ZFHX3: variants seen among roughly 807,000 people sequenced by gnomAD.
ZFHX3 encodes zinc finger homeobox 3, also known as zinc finger homeobox protein 3.
ZFHX3 carries 42 observed loss-of-function variants against 279.1 expected under a neutral mutation model. The observed-to-expected ratio is 0.15, with a 90% CI of 0.12 to 0.19. The LOEUF (loss-of-function observed/expected upper bound fraction) is 0.19, where lower values mean the gene tolerates loss of function less well. Among genes scored for constraint, ZFHX3 ranks in the 10% least tolerant of loss-of-function variants. The probability of loss-of-function intolerance (pLI) is 1.00; values close to 1 mark genes in which losing one functional copy is unlikely to be tolerated. For missense variants in ZFHX3, 4,981 were observed against 4,754.0 expected, an observed-to-expected ratio of 1.05 and a Z score of -1.40; for synonymous variants, 2,293 against 1,957.8, an observed-to-expected ratio of 1.17 and a Z score of -4.52.
intron 1 of ZFHX3, among the ~76,000 whole-genome samples, chr16:73,881,297 G>C (rs2030141244): frequency 6.6e-6 from 1 of 152,152 alleles, no homozygotes; most frequent in Admixed American, 6.5e-5. Flanking sequence ...AATTCGGTCT[G>C]TCACGACATG....
At chr16:73,307,230 G>A (rs2015203395) in intron 4 of ZFHX3, among the ~76,000 whole-genome samples, 1 of 152,200 alleles carries the variant, frequency 6.6e-6, no homozygotes, top group East Asian at 1.9e-4. Flanking sequence ...TCACTCATTT[G>A]TAAACTGGGC....
At chr16:73,360,791 T>A (rs868525711) in intron 3 of ZFHX3, among the ~76,000 whole-genome samples, 5 of 152,298 alleles carry the variant, frequency 3.3e-5, no homozygotes, top group African/African-American at 1.2e-4. Context: ...ATAGGAGACC[T>A]AGAAGTTCAT....
At chr16:73,494,963 T>C (rs1290990496) in intron 2 of ZFHX3, among the ~76,000 whole-genome samples, 2 of 152,140 alleles carry the variant, frequency 1.3e-5, no homozygotes, top group Admixed American at 1.3e-4. Context: ...AAATGAGTGG[T>C]GTTGAGTTCC....
intron 1 of ZFHX3, among the ~76,000 whole-genome samples, chr16:73,029,510 C>G (rs1964620627): frequency 6.6e-6 from 1 of 152,188 alleles, no homozygotes; most frequent in Non-Finnish European, 1.5e-5. Flanking sequence ...CAGGTAGAAA[C>G]ACACAAGAAG....
At chr16:72,798,971 G>A (rs1386408387) in intron 8 of ZFHX3, among the ~76,000 whole-genome samples, 1 of 152,202 alleles carries the variant, frequency 6.6e-6, no homozygotes, top group East Asian at 1.9e-4. Flanking sequence ...ATGCATAATA[G>A]ACCCATGTCA....
chr16:72,840,340 G>A (rs1031593325), intron 4 of ZFHX3, among the ~76,000 whole-genome samples: 31 of 152,140 alleles, frequency 2.0e-4, no homozygotes, highest in African/African-American at 6.8e-4. Flanking sequence ...GATGGCTCTC[G>A]TAACAGGAGC....
rs116604973 is a variant in ZFHX3 at position 73,762,537 on chromosome 16, T to C, written c.-1607-82297A>G. 5.3e-3 allele frequency among the ~76,000 whole-genome samples: 804 copies of C among 152,304 alleles called. 9 individuals carry two copies. Among genetic ancestry groups the C allele is most frequent in the African/African-American group, 0.019 (777 of 41,558 alleles). On this transcript the variant is annotated intron_variant, in intron 1 of 17. Transcript: ENST00000641206. ...AAAGATACATGCACAAGTATGCTCA[T>C]TGCGCACTACTCACAATAGCAAAGA...
intron 3 of ZFHX3, among the ~76,000 whole-genome samples, chr16:72,915,657 G>A (rs975196651): frequency 5.9e-5 from 9 of 152,184 alleles, no homozygotes; most frequent in Middle Eastern, 3.4e-3. Context: ...CAGCTACTCC[G>A]GAGGCTGAGG....
Position 72,957,560 on chromosome 16 carries a change from G to A in ZFHX3, c.2586C>T (p.Tyr862=). The A allele has an allele frequency of 6.2e-7, 1 of 1,614,206 alleles. No individual in the cohort carries two copies. The highest frequency in any genetic ancestry group is 1.3e-5 in the African/African-American group (1 of 75,054). The change falls in exon 2 of 10, where the codon TAC becomes TAT. Residue 862 remains tyrosine (Y), a synonymous_variant. Coordinates refer to ENST00000268489, the MANE Select transcript of ZFHX3 (RefSeq NM_006885.4). The part of the protein sequence containing the change: ...SLPSPAEAEL[Y]QYYLAQNMNL... Reference sequence around the variant, plus strand: ...TCATGTTCTGGGCCAGGTAGTATTGGTAGAGCTCGGCCTCGGCGGGTGAGG... The same window carrying A: ...TCATGTTCTGGGCCAGGTAGTATTGATAGAGCTCGGCCTCGGCGGGTGAGG...
At chr16:73,247,694 G>A (rs1438224056) in intron 5 of ZFHX3, among the ~76,000 whole-genome samples, 3 of 151,624 alleles carry the variant, frequency 2.0e-5, no homozygotes, top group Admixed American at 6.6e-5. Context: ...GAGTATACGT[G>A]TGTGTGTATA....
intron 2 of ZFHX3, chr16:73,486,726 T>C (rs2018979484): frequency 2.2e-6 from 1 of 449,580 alleles, no homozygotes; most frequent in Non-Finnish European, 4.5e-6. Flanking sequence ...ATCTAGGGTC[T>C]CTCTTGCTCA....
intron 3 of ZFHX3, among the ~76,000 whole-genome samples, chr16:73,415,664 C>T (rs2017556527): frequency 6.6e-6 from 1 of 152,198 alleles, no homozygotes; most frequent in Admixed American, 6.5e-5. Flanking sequence ...CATTTCCTCC[C>T]CTTACTGAAT....
rs1402737204 is a variant in ZFHX3, at chr16:72,793,667, C to T, written c.9015G>A (p.Lys3005=). Residue 3005 remains lysine (K), a synonymous_variant, in exon 9 of 10, where the codon AAG becomes AAA. Coordinates refer to ENST00000268489, the MANE Select transcript of ZFHX3 (RefSeq NM_006885.4). The surrounding 1 kb of genome is among the most constrained non-coding windows in gnomAD (Gnocchi z 4.3). ...QNARAKEKKS[K]LSMAKHFGIN... The stretch of plus-strand genomic sequence containing the variant: ...TACCAAAATGCTTGGCCATGCTTAA[C>T]TTGGACTTCTTTTCTTTTGCCCGGG... The T allele has an allele frequency of 1.9e-6, 3 of 1,614,052 alleles. No homozygotes were observed. The African/African-American group carries it at 4.0e-5, about 22-fold the overall frequency.
In ZFHX3 at chr16:72,795,314, C is replaced by G; in HGVS notation, c.7368G>C (p.Gln2456His). The part of the protein sequence containing the change: ...KQGQPKPELQ[Q>H]QEQPEQKTNT... Reference sequence around the variant, plus strand: ...TGGTCTTCTGCTCGGGCTGCTCTTGCTGCTGCAGCTCTGGCTTTGGTTGTC... The same window carrying G: ...TGGTCTTCTGCTCGGGCTGCTCTTGGTGCTGCAGCTCTGGCTTTGGTTGTC... Residue 2456 changes from glutamine (Q) to histidine (H), a missense_variant, in exon 9 of 10, where the codon CAG becomes CAC. Physicochemically the swap from Gln to His is conservative, Grantham distance 24 (BLOSUM62 0). This residue lies in a region of ZFHX3 where 744 missense variants were observed against 701.3 expected (regional missense o/e 1.06). Transcript: ENST00000268489. The G allele has an allele frequency of 6.2e-7, 1 of 1,614,046 alleles. No homozygotes were observed. The highest frequency in any genetic ancestry group is 8.5e-7 in the Non-Finnish European group (1 of 1,180,004).
chr16:73,266,550 G>A lies in ZFHX3; in HGVS notation c.-1193-9414C>T, dbSNP rs550351827. ...ATCCACATGTCTCCATTTTGCAGAC[G>A]TGAAGACAGATTCCAAGCACTTAAG... is the stretch of plus-strand genomic sequence containing the variant. On this transcript the variant is annotated intron_variant, in intron 4 of 17. Transcript: ENST00000641206. Among the ~76,000 whole-genome samples the A allele has an allele frequency of 1.1e-3, 170 of 152,308 alleles. 1 individual carries two copies. Among genetic ancestry groups the A allele is most frequent in the African/African-American group, 3.9e-3 (164 of 41,560 alleles).
upstream of ZFHX3, among the ~76,000 whole-genome samples, chr16:73,063,226 C>G (rs1965708314): frequency 6.6e-6 from 1 of 152,248 alleles, no homozygotes; most frequent in Admixed American, 6.5e-5. Context: ...GGGGAAGGGG[C>G]TGCTCTCATC....
At chr16:73,434,792 T>C (rs1316679850) in intron 3 of ZFHX3, among the ~76,000 whole-genome samples, 3 of 152,092 alleles carry the variant, frequency 2.0e-5, no homozygotes, top group African/African-American at 4.8e-5. Flanking sequence ...ACTTCAACAG[T>C]CCTCTAAGTG....
intron 5 of ZFHX3, among the ~76,000 whole-genome samples, chr16:73,199,386 C>T (rs1326473503): frequency 6.6e-6 from 1 of 152,198 alleles, no homozygotes; most frequent in Non-Finnish European, 1.5e-5. Context: ...AAGTCCATGG[C>T]CCATGAAAGT....
intron 7 of ZFHX3, among the ~76,000 whole-genome samples, chr16:72,804,779 T>TA (rs2036211694): frequency 6.6e-6 from 1 of 152,138 alleles, no homozygotes; most frequent in African/African-American, 2.4e-5. Context: ...TCCTGCCACT[T>TA]ACGCCAATCC....
Sources: allele counts gnomAD v4.1 joint callset (sites outside exome capture counted in the v4.1 genomes callset), GRCh38; gene constraint gnomAD v4.1.1; regional missense constraint gnomAD v4.1.1; non-coding constraint Gnocchi (gnomAD v3.1); transcripts MANE v1.5; gene names NCBI Gene and HGNC (gene_info 2026-07-23, HGNC 2026-07-21).